MFN1: variants seen among roughly 807,000 people sequenced by gnomAD.
MFN1 encodes mitofusin 1, also known as mitofusin-1.
MFN1 carries 65 observed loss-of-function variants against 92.4 expected under a neutral mutation model. The observed-to-expected ratio is 0.70, with a 90% CI of 0.58 to 0.86. MFN1 has a LOEUF of 0.86. Among genes scored for constraint, MFN1 ranks in the 40% least tolerant of loss-of-function variants. The pLI is 0.00. For missense variants in MFN1, 781 were observed against 868.0 expected (o/e 0.90, Z 1.26); for synonymous variants, 297 against 300.9 (o/e 0.99, Z 0.13).
intron 16 of MFN1, among the ~76,000 whole-genome samples, chr3:179,388,054 G>A (rs1431601759): frequency 1.3e-5 from 2 of 149,764 alleles, no homozygotes; most frequent in African/African-American, 4.9e-5. Flanking sequence ...AATTTTTTTT[G>A]TATTTTTTTT....
In MFN1 at chr3:179,377,144, G is replaced by A. The variant is rs1713270805; in HGVS notation, c.1200G>A (p.Glu400=). Residue 400 remains glutamate, a synonymous_variant, in exon 11 of 18, where the codon GAG becomes GAA. Coordinates refer to ENST00000471841, the MANE Select transcript of MFN1 (RefSeq NM_033540.3). ...TGGATGTTAAGAAAAAAATCAAGGA[G>A]GTTACCGAGGAGGTGGCAAACAAAG... ...LTLDVKKKIK[E]VTEEVANKVS... The A allele has an allele frequency of 1.3e-5, 21 of 1,613,578 alleles. No individual in the cohort carries two copies. The highest frequency in any genetic ancestry group is 1.7e-5 in the Non-Finnish European group (20 of 1,179,798).
chr3:179,369,863 T>C (rs1411887974), intron 9 of MFN1, among the ~76,000 whole-genome samples: 1 of 152,238 alleles, frequency 6.6e-6, no homozygotes, highest in Non-Finnish European at 1.5e-5. Context: ...TTTGGGATTC[T>C]AAAATTTATG....
At chr3:179,369,670 C>T (rs554451276) in intron 9 of MFN1, among the ~76,000 whole-genome samples, 10 of 152,272 alleles carry the variant, frequency 6.6e-5, no homozygotes, top group African/African-American at 2.4e-4. Context: ...TAGAGAACCA[C>T]AGGCTCCTGA....
intron 2 of MFN1, 21 bp downstream of exon 2, chr3:179,348,984 T>A: frequency 6.4e-7 from 1 of 1,560,472 alleles, no homozygotes; most frequent in South Asian, 1.1e-5. Flanking sequence ...CTTAAGTTTT[T>A]AAAGTAATTA....
intron 3 of MFN1, among the ~76,000 whole-genome samples, chr3:179,354,805 T>A (rs1435437763): frequency 6.6e-6 from 1 of 152,118 alleles, no homozygotes; most frequent in Non-Finnish European, 1.5e-5. Flanking sequence ...ACTTTTTCTT[T>A]TTTTGGGAGA....
At chr3:179,350,997 G>A (rs1560188472) in intron 2 of MFN1, among the ~76,000 whole-genome samples, 1 of 152,164 alleles carries the variant, frequency 6.6e-6, no homozygotes, top group Non-Finnish European at 1.5e-5. Flanking sequence ...TAGAGATGGT[G>A]TTTTACCATA....
intron 10 of MFN1, among the ~76,000 whole-genome samples, chr3:179,375,833 C>T (rs997850497): frequency 1.3e-5 from 2 of 152,126 alleles, no homozygotes; most frequent in Admixed American, 6.6e-5. Context: ...TAAGCAGTAC[C>T]CTTTATGTTA....
chr3:179,381,322 G>A lies in MFN1; in HGVS notation c.1662+2508G>A, dbSNP rs867579120. ...ATTCAGCACAATGTCTTATTATGCC[G>A]AGAGGACCCACTTCTTGGTCCCTCA... On this transcript the variant is annotated intron_variant, in intron 14 of 17. Coordinates refer to ENST00000471841, the MANE Select transcript of MFN1 (RefSeq NM_033540.3). Among the ~76,000 whole-genome samples the A allele has an allele frequency of 3.9e-5, 6 of 152,298 alleles. No homozygotes were observed. In the South Asian group the frequency reaches 6.2e-4, roughly 16 times the overall value.
chr3:179,348,974 CTTAAG>C lies in MFN1; in HGVS notation c.112+14_112+18del. On this transcript the variant is annotated intron_variant, in intron 2 of 17. Transcript: ENST00000471841. ...CACATTTTGTTGAAGGTTAGTTCTT[CTTAAG>C]TTTTTAAAGTAATTACTGTTGAAAA... The C allele has an allele frequency of 5.7e-6, 9 of 1,571,058 alleles. No homozygotes were observed. Among genetic ancestry groups the C allele is most frequent in the Non-Finnish European group, 7.8e-6 (9 of 1,152,554 alleles).
intron 3 of MFN1, among the ~76,000 whole-genome samples, chr3:179,358,296 GC>G (rs543374941): frequency 6.6e-6 from 1 of 151,514 alleles, no homozygotes; most frequent in Non-Finnish European, 1.5e-5. Context: ...GATTACAGGG[GC>G]CCCCCCACCA....
At chr3:179,360,605 G>T (rs1477187121) in intron 4 of MFN1, among the ~76,000 whole-genome samples, 1 of 151,826 alleles carries the variant, frequency 6.6e-6, no homozygotes, top group East Asian at 1.9e-4. Flanking sequence ...GTTGACTCTG[G>T]ACTGAAAGCA....
chr3:179,361,215 C>G (rs995483267), intron 4 of MFN1, among the ~76,000 whole-genome samples: 2 of 152,186 alleles, frequency 1.3e-5, no homozygotes, highest in Non-Finnish European at 2.9e-5. Flanking sequence ...TCAAACTTCT[C>G]GTGACTTCAG....
At position 179,392,826 on chromosome 3, in the gene MFN1, T is replaced by A. The variant is rs897490874; in HGVS notation, c.*767T>A. The A allele has an allele frequency of 6.6e-6, 1 of 152,214 alleles. No individual in the cohort carries two copies. The highest frequency in any genetic ancestry group is 1.5e-5 in the Non-Finnish European group (1 of 68,038). 9.4% of individuals were successfully genotyped at this position (152,214 alleles called of 1,614,324 possible). Reference sequence around the variant, plus strand: ...CTGAATTTTGAATGATAAACAGTGATGTTTTAAAAAAGCTGTTGTTCTTCA... The same window carrying A: ...CTGAATTTTGAATGATAAACAGTGAAGTTTTAAAAAAGCTGTTGTTCTTCA... On this transcript the variant is annotated 3_prime_UTR_variant, in exon 18 of 18. Transcript: ENST00000471841.
At position 179,386,008 on chromosome 3, in the gene MFN1, A is replaced by G. The variant is rs543203610; in HGVS notation, c.1815+287A>G. On this transcript the variant is annotated intron_variant, in intron 15 of 17. Transcript: ENST00000471841. ...AGAAATATTTGTACGTTGAGGTAAT[A>G]AGAAAACCCCAGGTGCCCTATCTAG... is the stretch of plus-strand genomic sequence containing the variant. Among the ~76,000 whole-genome samples, 9 of 152,348 alleles carry G rather than the reference A, an allele frequency of 5.9e-5. No individual in the cohort carries two copies. In the Middle Eastern group the frequency reaches 0.01, roughly 173 times the overall value.
At chr3:179,378,555 T>A (rs372409721) in intron 13 of MFN1, 30 bp from the exon 14 acceptor site, 12 of 1,566,022 alleles carry the variant, frequency 7.7e-6, no homozygotes, top group African/African-American at 1.4e-5. Context: ...ACCATTCTTA[T>A]CTTAAGTGTT....
chr3:179,370,669 C>T (rs1712989181), intron 9 of MFN1, among the ~76,000 whole-genome samples: 1 of 152,150 alleles, frequency 6.6e-6, no homozygotes, highest in African/African-American at 2.4e-5. Context: ...CTTGGCCTCC[C>T]AAAGTGCTGG....
Position 179,367,546 on chromosome 3 carries a change from A to G in MFN1, c.861A>G (p.Glu287=), listed in dbSNP as rs1712843886. ...QNRIFFVSAK[E]VLSARKQKAQ... Reference sequence around the variant, plus strand: ...GTATCTTCTTTGTTTCAGCAAAGGAAGTTCTTAGTGCTAGAAAGCAAAAAG... The same window carrying G: ...GTATCTTCTTTGTTTCAGCAAAGGAGGTTCTTAGTGCTAGAAAGCAAAAAG... Residue 287 remains glutamate (E), a synonymous_variant, in exon 8 of 18, where the codon GAA becomes GAG. Transcript: ENST00000471841. 6.2e-7 allele frequency: 1 copy of G among 1,613,850 alleles called. No homozygotes were observed. Among genetic ancestry groups the G allele is most frequent in the Non-Finnish European group, 8.5e-7 (1 of 1,179,894 alleles).
intron 9 of MFN1, among the ~76,000 whole-genome samples, chr3:179,374,306 TATATATAAC>T (rs1023823317): frequency 4.5e-5 from 3 of 66,414 alleles, no homozygotes; most frequent in Non-Finnish European, 7.7e-5. Flanking sequence ...GTCAAAAATA[TATATATAAC>T]ATATATAACA....
Position 179,378,339 on chromosome 3 carries a change from A to G in MFN1, c.1330-2A>G. The stretch of plus-strand genomic sequence containing the variant: ...AATATGGATATTTACCATTGTTAAC[A>G]GGAATTAAATAAGCACATAGAGGAT... On this transcript the variant is annotated splice_acceptor_variant, in intron 12 of 17. Transcript: ENST00000471841. LOFTEE classifies it high-confidence loss of function. 1.3e-6 allele frequency: 2 copies of G among 1,577,190 alleles called. No individual in the cohort carries two copies. Among genetic ancestry groups the G allele is most frequent in the African/African-American group, 1.4e-5 (1 of 72,840 alleles).
Sources: gnomAD v4.1 joint callset for allele counts (sites outside exome capture counted in the v4.1 genomes callset) on GRCh38, gnomAD v4.1.1 for gene constraint, MANE v1.5 for transcripts, NCBI Gene and HGNC (gene_info 2026-07-23, HGNC 2026-07-21) for gene names.